The following CCDC57 variants were observed in gnomAD, a reference collection of about 807,000 sequenced individuals.
CCDC57 encodes the protein coiled-coil domain containing 57, also known as coiled-coil domain-containing protein 57.
CCDC57 carries 118 observed loss-of-function variants against 118.9 expected under a neutral mutation model. The observed-to-expected ratio is 0.99, with a 90% confidence interval of 0.86 to 1.16. The LOEUF (loss-of-function observed/expected upper bound fraction) is 1.16, where lower values mean the gene tolerates loss of function less well. Among genes scored for constraint, CCDC57 ranks in the 50% most tolerant of loss-of-function variants. The pLI is 0.00. For missense variants in CCDC57, 1,300 were observed against 1,320.7 expected (o/e 0.98, Z 0.24); for synonymous variants, 527 against 532.9 (o/e 0.99, Z 0.15).
At chr17:82,148,605 T>G (rs2041301227) in intron 16 of CCDC57, among the ~76,000 whole-genome samples, 1 of 70,088 alleles carries the variant, frequency 1.4e-5, no homozygotes, top group Non-Finnish European at 2.6e-5. Flanking sequence ...GATGGATAGA[T>G]GGATGGGTGG....
At chr17:82,175,875 C>A in intron 11 of CCDC57, among the ~76,000 whole-genome samples, 1 of 152,202 alleles carries the variant, frequency 6.6e-6, no homozygotes, top group Admixed American at 6.5e-5. Flanking sequence ...AAACTCCTAT[C>A]GGTACTTGGT....
chr17:82,157,262 A>C, intron 15 of CCDC57: 1 of 195,882 alleles, frequency 5.1e-6, no homozygotes, highest in South Asian at 1.4e-4. Context: ...CAAAACCAGG[A>C]TAGGAGTGCC....
chr17:82,173,830 CAGG>C (rs5822502), intron 11 of CCDC57, among the ~76,000 whole-genome samples: 70,711 of 151,620 alleles, frequency 0.47, 17,241 homozygotes, highest in East Asian at 0.88. Flanking sequence ...GGCTCCGGTG[CAGG>C]AGGAGAGACA....
chr17:82,142,698 T>C (rs2040179960), intron 16 of CCDC57, among the ~76,000 whole-genome samples: 1 of 152,076 alleles, frequency 6.6e-6, no homozygotes, highest in Non-Finnish European at 1.5e-5. Context: ...ACTTTGTGGC[T>C]TTTGGCAGTT....
At chr17:82,145,921 C>A in intron 16 of CCDC57, 1 of 359,298 alleles carries the variant, frequency 2.8e-6, no homozygotes, top group South Asian at 2.0e-5. Flanking sequence ...ACAGGGGACG[C>A]CCCGGCACCT....
chr17:82,188,502 C>G lies in CCDC57; in HGVS notation c.852-83G>C, dbSNP rs1010560670. 3.2e-5 allele frequency: 43 copies of G among 1,364,612 alleles called. No individual in the cohort carries two copies. The East Asian group carries it at 1.0e-3, about 32-fold the overall frequency. 84.5% of individuals were successfully genotyped at this position (1,364,612 alleles called of 1,614,324 possible). ...ACCCTCTTTGGAGGCGTTCATTGCC[C>G]TGTCTCGTGCACAGGTGCTGCTGTA... On this transcript the variant is annotated intron_variant, in intron 7 of 19. Coordinates refer to ENST00000665763, the Ensembl canonical transcript of CCDC57.
intron 5 of CCDC57, 92 bp downstream of exon 4, chr17:82,195,171 C>A (rs1222379122): frequency 5.3e-6 from 5 of 940,398 alleles, no homozygotes; most frequent in Non-Finnish European, 6.8e-6. Flanking sequence ...TTGCCTTGGT[C>A]TCCCAAAGTG....
chr17:82,153,082 G>A lies in CCDC57; in HGVS notation c.2242-1309C>T, dbSNP rs74001563. 9.2e-3 allele frequency among the ~76,000 whole-genome samples: 1,395 copies of A among 152,276 alleles called. 13 individuals carry two copies. Among genetic ancestry groups the A allele is most frequent in the African/African-American group, 0.031 (1,305 of 41,554 alleles). ...AGTAAGCGGGCCTCATGCCTGCTCCGTGAGCACCCTTGGCAAGTGTGGTGC... is the reference window on the plus strand; with the variant it reads ...AGTAAGCGGGCCTCATGCCTGCTCCATGAGCACCCTTGGCAAGTGTGGTGC... On this transcript the variant is annotated intron_variant, in intron 15 of 19. Transcript: ENST00000665763.
rs185418458 is a variant in CCDC57 at position 82,115,435 on chromosome 17, A to T, written c.2899+12257T>A. Among the ~76,000 whole-genome samples the T allele has an allele frequency of 9.2e-3, 1,403 of 152,288 alleles. 18 individuals are homozygous for T. The highest frequency in any genetic ancestry group is 0.032 in the African/African-American group (1,339 of 41,556). ...ATTCTACAAACAGTTTAAAAAAATT[A>T]ACCGAGTTAGCAGCCAGTTAACAGA... On this transcript the variant is annotated intron_variant, in intron 19 of 19. Transcript: ENST00000665763.
At chr17:82,211,885 C>G (rs1361917862) in intron 1 of CCDC57, among the ~76,000 whole-genome samples, 1 of 152,166 alleles carries the variant, frequency 6.6e-6, no homozygotes, top group Admixed American at 6.5e-5. Flanking sequence ...AAAGCCCCTG[C>G]GTTTATCACT....
intron 19 of CCDC57, among the ~76,000 whole-genome samples, chr17:82,119,149 T>A (rs1315932955): frequency 8.6e-4 from 1 of 1,166 alleles, no homozygotes; most frequent in African/African-American, 3.1e-3. Context: ...TGGTGAGAAA[T>A]TAGTCGTATT....
intron 19 of CCDC57, among the ~76,000 whole-genome samples, chr17:82,110,155 A>T (rs1377523156): frequency 6.6e-6 from 1 of 151,630 alleles, no homozygotes; most frequent in African/African-American, 2.4e-5. Flanking sequence ...TAATTTTTGT[A>T]TTTTTTGTAG....
intron 3 of CCDC57, among the ~76,000 whole-genome samples, chr17:82,199,664 C>A (rs1483635393): frequency 6.6e-6 from 1 of 152,166 alleles, no homozygotes; most frequent in Non-Finnish European, 1.5e-5. Context: ...GCACGGCGGG[C>A]AAGTGGGCCT....
chr17:82,152,903 G>A (rs1268192971), intron 15 of CCDC57, among the ~76,000 whole-genome samples: 2 of 152,244 alleles, frequency 1.3e-5, no homozygotes, highest in Admixed American at 1.3e-4. Context: ...CTCGGGGGCC[G>A]CGGGGGATGA....
chr17:82,141,535 C>T (rs1309868266), intron 16 of CCDC57, among the ~76,000 whole-genome samples: 3 of 152,086 alleles, frequency 2.0e-5, no homozygotes, highest in Admixed American at 6.6e-5. Context: ...AAATTCTTTA[C>T]GGAAACTTCT....
intron 16 of CCDC57, among the ~76,000 whole-genome samples, chr17:82,134,861 C>G (rs936898110): frequency 3.9e-5 from 6 of 152,122 alleles, no homozygotes; most frequent in Non-Finnish European, 2.9e-5. Flanking sequence ...CTACTCAAAG[C>G]TTCGGCATGC....
intron 4 of CCDC57, among the ~76,000 whole-genome samples, chr17:82,195,600 G>A (rs148556584): frequency 2.6e-5 from 4 of 151,956 alleles, no homozygotes; most frequent in East Asian, 3.9e-4. Context: ...GCAACACAGT[G>A]AGGCCCTGTC....
chr17:82,181,242 C>T (rs1487961957), intron 9 of CCDC57, among the ~76,000 whole-genome samples: 1 of 152,238 alleles, frequency 6.6e-6, no homozygotes, highest in Non-Finnish European at 1.5e-5. Flanking sequence ...AAGAGCAACT[C>T]GTGGGAACGA....
chr17:82,124,720 C>G (rs1387918247), intron 19 of CCDC57, among the ~76,000 whole-genome samples: 2 of 151,804 alleles, frequency 1.3e-5, no homozygotes, highest in African/African-American at 4.8e-5. Flanking sequence ...CACTTGAGCC[C>G]AAGAGGTCAA....
Sources: allele counts gnomAD v4.1 joint callset (sites outside exome capture counted in the v4.1 genomes callset), GRCh38; gene constraint gnomAD v4.1.1; transcripts MANE v1.5; gene names NCBI Gene and HGNC (gene_info 2026-07-23, HGNC 2026-07-21).